CLDN10: variants seen among roughly 807,000 people sequenced by gnomAD.
The protein encoded by CLDN10 is claudin-10.
In CLDN10, 15 loss-of-function variants were observed where a neutral mutation model predicts 22.9. The observed-to-expected ratio is 0.65, with a 90% CI of 0.44 to 1.01. The LOEUF (loss-of-function observed/expected upper bound fraction) is 1.01, where lower values mean the gene tolerates loss of function less well. Ranked by LOEUF, CLDN10 falls within the 50% of genes least tolerant of loss-of-function variation. The probability of loss-of-function intolerance (pLI) is 0.00; values close to 1 mark genes in which losing one functional copy is unlikely to be tolerated. For missense variants in CLDN10, 247 were observed against 287.8 expected, an observed-to-expected ratio of 0.86 and a Z score of 1.03; for synonymous variants, 114 against 111.4, an observed-to-expected ratio of 1.02 and a Z score of -0.15.
chr13:95,556,671 A>G (rs760106794), intron 1 of CLDN10, among the ~76,000 whole-genome samples: 12 of 152,214 alleles, frequency 7.9e-5, no homozygotes, highest in Non-Finnish European at 1.8e-4. Context: ...TTGGGTAAAT[A>G]GAAGCACCAG....
intron 1 of CLDN10, among the ~76,000 whole-genome samples, chr13:95,485,757 C>T (rs757665172): frequency 7.2e-5 from 11 of 152,198 alleles, no homozygotes; most frequent in Admixed American, 2.0e-4. Context: ...AAATTCTAGC[C>T]GTGCTTTGAG....
intron 1 of CLDN10, among the ~76,000 whole-genome samples, chr13:95,442,643 T>C (rs1425070412): frequency 6.6e-6 from 1 of 152,192 alleles, no homozygotes; most frequent in Admixed American, 6.5e-5. Flanking sequence ...GCTCAGGGTG[T>C]GTTTGGTATG....
At chr13:95,574,221 T>A (rs9584313) in intron 3 of CLDN10, among the ~76,000 whole-genome samples, 7,851 of 152,040 alleles carry the variant, frequency 0.052, 567 homozygotes, top group African/African-American at 0.16. Context: ...CACGGAGAGG[T>A]GTGAATTAAA....
chr13:95,565,347 A>G (rs2043771872), intron 3 of CLDN10, among the ~76,000 whole-genome samples: 1 of 152,218 alleles, frequency 6.6e-6, no homozygotes. Flanking sequence ...GCAAAGTTAT[A>G]CGACTTAACT....
intron 1 of CLDN10, among the ~76,000 whole-genome samples, chr13:95,508,947 T>C (rs1365374896): frequency 1.3e-5 from 2 of 152,194 alleles, no homozygotes; most frequent in Non-Finnish European, 2.9e-5. Flanking sequence ...CTAGAAAACT[T>C]TGAGGAAACC....
chr13:95,489,077 G>A (rs1034396710), intron 1 of CLDN10, among the ~76,000 whole-genome samples: 6 of 105,182 alleles, frequency 5.7e-5, no homozygotes, highest in South Asian at 3.2e-4. Context: ...TCAGCCTCCC[G>A]AGAAGCTGGG....
chr13:95,506,349 G>A (rs1209506766), intron 1 of CLDN10, among the ~76,000 whole-genome samples: 1 of 152,176 alleles, frequency 6.6e-6, no homozygotes, highest in East Asian at 1.9e-4. Flanking sequence ...AGGACAGTCA[G>A]GCAGATCTCA....
intron 1 of CLDN10, among the ~76,000 whole-genome samples, chr13:95,544,257 G>T (rs189613524): frequency 7.2e-5 from 11 of 152,294 alleles, no homozygotes; most frequent in Admixed American, 6.5e-4. Context: ...CATTCAGGTT[G>T]CTTAACCAAA....
intron 1 of CLDN10, among the ~76,000 whole-genome samples, chr13:95,496,594 G>A (rs934509540): frequency 2.6e-5 from 4 of 152,214 alleles, no homozygotes; most frequent in Non-Finnish European, 5.9e-5. Flanking sequence ...CCGGCAGATT[G>A]AGTTCCTGGA....
chr13:95,452,116 A>G (rs982819968), intron 1 of CLDN10, among the ~76,000 whole-genome samples: 7 of 152,218 alleles, frequency 4.6e-5, no homozygotes, highest in African/African-American at 1.2e-4. Context: ...CAATGCTATT[A>G]TCAAAGCTAC....
upstream of CLDN10, among the ~76,000 whole-genome samples, chr13:95,548,969 G>T (rs182424157): frequency 2.4e-3 from 366 of 152,310 alleles, 2 homozygotes; most frequent in Admixed American, 3.9e-3. Context: ...GGCTAAACTG[G>T]TTTTCACTCC....
In CLDN10 at chr13:95,578,788, CAT is replaced by C. The variant is rs2043974426; in HGVS notation, c.*775_*776del. The C allele has an allele frequency of 2.6e-5, 4 of 152,174 alleles. No homozygotes were observed. The highest frequency in any genetic ancestry group is 5.9e-5 in the Non-Finnish European group (4 of 68,038). The allele number at this position is 152,174 out of a possible 1,614,324, so 9.4% of individuals were successfully genotyped here. A position where few individuals can be genotyped will look rare whatever the true frequency, so the allele number is the denominator to read the frequency against. ...CATAAACGATGCTGTGATGAAGACT[CAT>C]GTACATATTTAGCAAATTTTGGTTT... On this transcript the variant is annotated 3_prime_UTR_variant, in exon 5 of 5. Coordinates refer to ENST00000299339, the MANE Select transcript of CLDN10 (RefSeq NM_006984.5).
chr13:95,468,537 C>T (rs1439054476), intron 1 of CLDN10, among the ~76,000 whole-genome samples: 1 of 152,108 alleles, frequency 6.6e-6, no homozygotes, highest in African/African-American at 2.4e-5. Flanking sequence ...GCCAGCCTGG[C>T]TAACATGGTG....
At chr13:95,527,105 T>C (rs2138596704) in intron 1 of CLDN10, among the ~76,000 whole-genome samples, 1 of 152,310 alleles carries the variant, frequency 6.6e-6, no homozygotes, top group Non-Finnish European at 1.5e-5. Flanking sequence ...TGCCACCTTC[T>C]TCCAAAGCTT....
intron 1 of CLDN10, among the ~76,000 whole-genome samples, chr13:95,499,778 G>C (rs553380532): frequency 4.6e-5 from 7 of 152,310 alleles, no homozygotes; most frequent in African/African-American, 1.7e-4. Context: ...AAGCAAGCCT[G>C]ACACGTTGGG....
chr13:95,524,492 T>G (rs1027337404), intron 1 of CLDN10, among the ~76,000 whole-genome samples: 1 of 152,224 alleles, frequency 6.6e-6, no homozygotes, highest in Admixed American at 6.5e-5. Context: ...GTAATTTCAT[T>G]CCCTTTTCGG....
intron 1 of CLDN10, among the ~76,000 whole-genome samples, chr13:95,491,859 C>A (rs2042874753): frequency 6.6e-6 from 1 of 152,110 alleles, no homozygotes; most frequent in South Asian, 2.1e-4. Flanking sequence ...ATGGGGTGTT[C>A]CCTTGATGTA....
At chr13:95,519,952 T>C (rs1443704848) in intron 1 of CLDN10, among the ~76,000 whole-genome samples, 1 of 152,230 alleles carries the variant, frequency 6.6e-6, no homozygotes, top group Non-Finnish European at 1.5e-5. Flanking sequence ...AAATCTAAAG[T>C]GCAAAGAAAG....
chr13:95,439,347 TA>T (rs1221430566), intron 1 of CLDN10, among the ~76,000 whole-genome samples: 3 of 122,882 alleles, frequency 2.4e-5, no homozygotes, highest in Admixed American at 8.0e-5. Context: ...TTTATGTTAT[TA>T]TTATTTTTTT....
Sources: allele counts gnomAD v4.1 joint callset (sites outside exome capture counted in the v4.1 genomes callset), GRCh38; gene constraint gnomAD v4.1.1; transcripts MANE v1.5; gene names NCBI Gene and HGNC (gene_info 2026-07-23, HGNC 2026-07-21).